KLF12: variants seen among roughly 807,000 people sequenced by gnomAD.
KLF12 encodes the protein KLF transcription factor 12, also known as Krueppel-like factor 12.
In KLF12, 9 loss-of-function variants were observed where a neutral mutation model predicts 37.8. The observed-to-expected ratio is 0.24, with a 90% CI of 0.14 to 0.42. The LOEUF is 0.42. Ranked by LOEUF, KLF12 falls within the 10% of genes least tolerant of loss-of-function variation. The pLI is 1.00. For synonymous variants in KLF12, 208 were observed against 202.1 expected (o/e 1.03, Z -0.25); for missense variants, 411 against 516.0 (o/e 0.80, Z 1.97).
At chr13:74,183,562 A>G in the KLF12 span, among the ~76,000 whole-genome samples, 1 of 152,136 alleles carries the variant, frequency 6.6e-6, no homozygotes, top group Non-Finnish European at 1.5e-5. Flanking sequence ...CTACCAAATT[A>G]TACACCAATT....
the KLF12 span, among the ~76,000 whole-genome samples, chr13:74,148,482 C>T: frequency 5.5e-5 from 7 of 126,326 alleles, no homozygotes; most frequent in African/African-American, 2.0e-4. Flanking sequence ...GTAAGACTTT[C>T]ACTCCCCCCC....
At chr13:74,288,805 C>T in the KLF12 span, among the ~76,000 whole-genome samples, 1 of 152,128 alleles carries the variant, frequency 6.6e-6, no homozygotes, top group Non-Finnish European at 1.5e-5. Flanking sequence ...GCGGCAGGGC[C>T]GGTCATGCAG....
chr13:74,301,085 A>G, the KLF12 span, among the ~76,000 whole-genome samples: 1 of 152,176 alleles, frequency 6.6e-6, no homozygotes, highest in Non-Finnish European at 1.5e-5. Flanking sequence ...ATGTTCTAAA[A>G]ATCAGCTAAC....
At chr13:73,863,459 C>T (rs927834004) in intron 3 of KLF12, among the ~76,000 whole-genome samples, 4 of 152,000 alleles carry the variant, frequency 2.6e-5, no homozygotes, top group Non-Finnish European at 5.9e-5. Flanking sequence ...TTAGCACTCC[C>T]TACATATTAA....
chr13:73,921,989 GTTTT>G lies in KLF12; in HGVS notation c.123+21988_123+21991del, dbSNP rs536572011. Among the ~76,000 whole-genome samples the G allele has an allele frequency of 2.7e-3, 413 of 151,938 alleles. 2 individuals are homozygous for G. The highest frequency in any genetic ancestry group is 9.2e-3 in the African/African-American group (382 of 41,446). The stretch of plus-strand genomic sequence containing the variant: ...TTGCAGAATCAATAATTAGCATTAT[GTTTT>G]TTAATTGTACACAATCTTTTAATTA... On this transcript the variant is annotated intron_variant, in intron 3 of 7. Transcript: ENST00000377669.
the KLF12 span, among the ~76,000 whole-genome samples, chr13:74,164,892 A>T: frequency 6.6e-6 from 1 of 152,176 alleles, no homozygotes; most frequent in Admixed American, 6.5e-5. Flanking sequence ...GAGTAGAATG[A>T]TGGTTACCAG....
At chr13:73,913,518 C>T (rs189509729) in intron 3 of KLF12, among the ~76,000 whole-genome samples, 6 of 152,298 alleles carry the variant, frequency 3.9e-5, no homozygotes, top group South Asian at 2.1e-4. Flanking sequence ...AATAAGAAAA[C>T]TCTTTCCTTC....
chr13:74,145,292 A>G, the KLF12 span, among the ~76,000 whole-genome samples: 1 of 152,228 alleles, frequency 6.6e-6, no homozygotes, highest in South Asian at 2.1e-4. Context: ...TTATGTTAAT[A>G]TATGATGTAT....
intron 2 of KLF12, among the ~76,000 whole-genome samples, chr13:73,965,763 A>G (rs1891155449): frequency 1.3e-5 from 2 of 152,222 alleles, no homozygotes; most frequent in Admixed American, 6.5e-5. Context: ...ACCAAAAGGC[A>G]TAAGATGACT....
At chr13:74,134,772 G>T (rs911268355), upstream of KLF12, among the ~76,000 whole-genome samples, 9 of 151,988 alleles carry the variant, frequency 5.9e-5, no homozygotes, top group African/African-American at 2.2e-4. Flanking sequence ...GTCAGAGCGC[G>T]CCAGACAGGC....
intron 6 of KLF12, among the ~76,000 whole-genome samples, chr13:73,724,771 G>T (rs1220516184): frequency 6.6e-6 from 1 of 152,122 alleles, no homozygotes; most frequent in Admixed American, 6.5e-5. Flanking sequence ...ACTAATTACT[G>T]CTCGAAGCTC....
the KLF12 span, among the ~76,000 whole-genome samples, chr13:74,292,232 G>A: frequency 2.0e-5 from 3 of 152,120 alleles, no homozygotes; most frequent in Non-Finnish European, 4.4e-5. Context: ...GAGTACAAGG[G>A]CCTTTGGTGT....
chr13:73,796,348 T>A (rs1312401283), intron 5 of KLF12, among the ~76,000 whole-genome samples: 1 of 148,396 alleles, frequency 6.7e-6, no homozygotes, highest in African/African-American at 2.5e-5. Context: ...CTAAACTAGA[T>A]CTGTACTATC....
chr13:73,830,624 A>G (rs1446534204), intron 4 of KLF12, among the ~76,000 whole-genome samples: 3 of 152,190 alleles, frequency 2.0e-5, no homozygotes, highest in Admixed American at 2.0e-4. Context: ...AAATATAATT[A>G]TAACAGTAAT....
intron 4 of KLF12, among the ~76,000 whole-genome samples, chr13:73,822,460 T>C (rs980801706): frequency 3.9e-5 from 6 of 152,210 alleles, no homozygotes; most frequent in Non-Finnish European, 8.8e-5. Context: ...CTGGGTGTGG[T>C]GGCTCATGCC....
chr13:74,119,728 T>C (rs1464458199), intron 1 of KLF12, among the ~76,000 whole-genome samples: 1 of 152,006 alleles, frequency 6.6e-6, no homozygotes, highest in Non-Finnish European at 1.5e-5. Flanking sequence ...AGTAGTCTAA[T>C]GCGCTTGTCA....
chr13:74,252,610 T>C, the KLF12 span, among the ~76,000 whole-genome samples: 4 of 152,236 alleles, frequency 2.6e-5, no homozygotes, highest in Admixed American at 1.3e-4. Context: ...ATTTAACCAT[T>C]ACTTTCTATA....
intron 1 of KLF12, among the ~76,000 whole-genome samples, chr13:74,106,797 C>A (rs893009933): frequency 3.5e-4 from 54 of 152,172 alleles, no homozygotes; most frequent in African/African-American, 1.2e-3. Context: ...ATCTATCTGC[C>A]CACAGCCAAG....
intron 2 of KLF12, among the ~76,000 whole-genome samples, chr13:73,968,554 T>C (rs1891236304): frequency 6.6e-6 from 1 of 152,210 alleles, no homozygotes; most frequent in Non-Finnish European, 1.5e-5. Context: ...CATCTATGCT[T>C]GTCAGCAAAC....
Sources: gnomAD v4.1 joint callset for allele counts (sites outside exome capture counted in the v4.1 genomes callset) on GRCh38, gnomAD v4.1.1 for gene constraint, MANE v1.5 for transcripts, NCBI Gene and HGNC (gene_info 2026-07-23, HGNC 2026-07-21) for gene names.